The following AFTPH variants were observed in gnomAD, a reference collection of about 807,000 sequenced individuals.
AFTPH encodes the protein aftiphilin.
A neutral mutation model predicts 72.5 loss-of-function variants in AFTPH; 7 were observed. The observed-to-expected ratio is 0.10, with a 90% CI of 0.05 to 0.18. The LOEUF (loss-of-function observed/expected upper bound fraction) is 0.18. AFTPH is among the 10% of genes least tolerant of loss of function. The probability of loss-of-function intolerance (pLI) is 1.00; values close to 1 mark genes in which losing one functional copy is unlikely to be tolerated. For synonymous variants in AFTPH, 337 were observed against 370.1 expected, an observed-to-expected ratio of 0.91 and a Z score of 1.03; for missense variants, 979 against 1,060.5, an observed-to-expected ratio of 0.92 and a Z score of 1.07.
At chr2:64,552,086 T>C (rs760526491) in exon 2 of AFTPH, 18 of 1,614,064 alleles carry the variant, frequency 1.1e-5, no homozygotes, top group Non-Finnish European at 1.5e-5. Flanking sequence ...ACAATGTAGC[T>C]GATTCAAAGG....
chr2:64,584,434 C>G (rs993194032), intron 7 of AFTPH, among the ~76,000 whole-genome samples: 7 of 152,008 alleles, frequency 4.6e-5, no homozygotes, highest in Non-Finnish European at 8.8e-5. Context: ...CTACCAGATT[C>G]AGACATGAGA....
At chr2:64,585,020 T>C (rs1399189366) in intron 7 of AFTPH, among the ~76,000 whole-genome samples, 1 of 152,230 alleles carries the variant, frequency 6.6e-6, no homozygotes, top group Non-Finnish European at 1.5e-5. Context: ...GGAAAATTTT[T>C]AAAATGAGAT....
chr2:64,547,946 G>C (rs1670750800), intron 1 of AFTPH, among the ~76,000 whole-genome samples: 1 of 151,834 alleles, frequency 6.6e-6, no homozygotes, highest in East Asian at 1.9e-4. Context: ...CACCATGCCT[G>C]GCTAATATTT....
intron 1 of AFTPH, among the ~76,000 whole-genome samples, chr2:64,548,087 G>A (rs934810870): frequency 6.9e-6 from 1 of 145,306 alleles, no homozygotes; most frequent in Admixed American, 6.8e-5. Flanking sequence ...CACTGCGCCC[G>A]GCTGCTTTTA....
At chr2:64,561,894 G>T (rs1028839893) in intron 2 of AFTPH, among the ~76,000 whole-genome samples, 1 of 152,142 alleles carries the variant, frequency 6.6e-6, no homozygotes, top group African/African-American at 2.4e-5. Flanking sequence ...TTTAAGCATA[G>T]TTATCACCGC....
In AFTPH at chr2:64,588,932, G is replaced by T. The variant is rs373953802; in HGVS notation, c.2580-2953G>T. Among the ~76,000 whole-genome samples the T allele has an allele frequency of 1.1e-4, 16 of 152,238 alleles. No individual in the cohort carries two copies. The East Asian group carries it at 1.5e-3, about 15-fold the overall frequency. ...TAATTTGTCTTTTTATTGTTAGGTT[G>T]TAAGATTTTTAAGTATATTCTGGAT... On this transcript the variant is annotated intron_variant, in intron 8 of 8. Coordinates refer to ENST00000238856, the Ensembl canonical transcript of AFTPH.
chr2:64,568,681 C>T (rs1378451541), intron 3 of AFTPH, among the ~76,000 whole-genome samples: 1 of 152,202 alleles, frequency 6.6e-6, no homozygotes, highest in Non-Finnish European at 1.5e-5. Flanking sequence ...GTGATCTCAG[C>T]TCACTGCAAC....
intron 8 of AFTPH, among the ~76,000 whole-genome samples, chr2:64,590,708 T>C (rs1673778260): frequency 6.6e-6 from 1 of 152,272 alleles, no homozygotes; most frequent in Non-Finnish European, 1.5e-5. Context: ...GCTATATGCC[T>C]GATGCTTTTT....
chr2:64,549,813 A>T (rs959290070), intron 1 of AFTPH, among the ~76,000 whole-genome samples: 3 of 152,158 alleles, frequency 2.0e-5, no homozygotes, highest in Non-Finnish European at 4.4e-5. Flanking sequence ...TTTTTGCTTT[A>T]CATCATACAC....
At chr2:64,551,993 T>C in exon 2 of AFTPH, 1 of 1,613,850 alleles carries the variant, frequency 6.2e-7, no homozygotes, top group Non-Finnish European at 8.5e-7. Flanking sequence ...GCTGCAATGG[T>C]GAAAAGCCTC....
chr2:64,573,624 C>T (rs1420587077), intron 6 of AFTPH, among the ~76,000 whole-genome samples: 1 of 152,058 alleles, frequency 6.6e-6, no homozygotes, highest in Non-Finnish European at 1.5e-5. Flanking sequence ...AATGATGTGA[C>T]CTTTAACTAA....
chr2:64,579,421 T>G, intron 6 of AFTPH, 65 bp from the exon 7 acceptor site: 1 of 1,335,678 alleles, frequency 7.5e-7, no homozygotes. Flanking sequence ...TTTTTTTTTT[T>G]AAGGATTCTT....
chr2:64,566,372 C>T (rs1396244018), intron 2 of AFTPH, among the ~76,000 whole-genome samples: 1 of 152,064 alleles, frequency 6.6e-6, no homozygotes, highest in African/African-American at 2.4e-5. Flanking sequence ...AGTTTTTGCT[C>T]TGATACAGCT....
At position 64,565,090 on chromosome 2, in the gene AFTPH, C is replaced by T. The variant is rs543368251; in HGVS notation, c.1936-2472C>T. Among the ~76,000 whole-genome samples, 7 of 152,068 alleles carry T rather than the reference C, an allele frequency of 4.6e-5. No individual in the cohort carries two copies. The East Asian group carries it at 5.8e-4, about 13-fold the overall frequency. On this transcript the variant is annotated intron_variant, in intron 2 of 8. Transcript: ENST00000238856. ...CTGAGCTCAAGCAATCCACCCGCCT[C>T]GGCTTCCCAAAGTGCTGGGATTACA...
intron 1 of AFTPH, among the ~76,000 whole-genome samples, chr2:64,535,397 C>T (rs1234333921): frequency 1.3e-5 from 2 of 152,074 alleles, no homozygotes; most frequent in Non-Finnish European, 2.9e-5. Flanking sequence ...AACATGGAAA[C>T]AAATGTGATT....
chr2:64,566,547 C>T (rs913176756), intron 2 of AFTPH, among the ~76,000 whole-genome samples: 3 of 151,976 alleles, frequency 2.0e-5, no homozygotes, highest in African/African-American at 4.8e-5. Flanking sequence ...TGTGTCAATT[C>T]AATAGTAAAC....
exon 2 of AFTPH, chr2:64,552,810 C>G (rs748178556): frequency 1.2e-6 from 2 of 1,614,162 alleles, no homozygotes; most frequent in Non-Finnish European, 8.5e-7. Flanking sequence ...TGGCTCAACT[C>G]CACCTTTTGT....
chr2:64,590,280 G>C (rs1395217795), intron 8 of AFTPH, among the ~76,000 whole-genome samples: 1 of 152,114 alleles, frequency 6.6e-6, no homozygotes, highest in Non-Finnish European at 1.5e-5. Context: ...GGATTTGTCT[G>C]TTTGCTTCCT....
intron 1 of AFTPH, among the ~76,000 whole-genome samples, chr2:64,545,184 A>C (rs1670499599): frequency 6.6e-6 from 1 of 152,146 alleles, no homozygotes. Context: ...AAGCCATCAC[A>C]CATAGTTCTT....
Sources: allele counts gnomAD v4.1 joint callset (sites outside exome capture counted in the v4.1 genomes callset), GRCh38; gene constraint gnomAD v4.1.1; transcripts MANE v1.5; gene names NCBI Gene and HGNC (gene_info 2026-07-23, HGNC 2026-07-21).